ATXN7L1: variants seen among roughly 807,000 people sequenced by gnomAD.
ATXN7L1 encodes ataxin-7-like protein 1.
A neutral mutation model predicts 70.8 loss-of-function variants in ATXN7L1; 15 were observed. That is an observed-to-expected ratio of 0.21 (90% confidence interval 0.14 to 0.33). The LOEUF (loss-of-function observed/expected upper bound fraction) is 0.33. ATXN7L1 is among the 10% of genes least tolerant of loss of function. The pLI, the probability that ATXN7L1 is intolerant of heterozygous loss-of-function variation, is 1.00. For missense variants in ATXN7L1, 975 were observed against 1,097.1 expected, an observed-to-expected ratio of 0.89 and a Z score of 1.57; for synonymous variants, 440 against 445.1, an observed-to-expected ratio of 0.99 and a Z score of 0.14.
At chr7:105,731,774 A>AGAAAAG (rs1300929887) in intron 3 of ATXN7L1, among the ~76,000 whole-genome samples, 12 of 57,526 alleles carry the variant, frequency 2.1e-4, no homozygotes, top group African/African-American at 3.4e-4. Flanking sequence ...AAAAGAAAAG[A>AGAAAAG]AAAGAAAAGA....
At chr7:105,635,399 T>C (rs1032162052) in intron 7 of ATXN7L1, among the ~76,000 whole-genome samples, 3 of 152,254 alleles carry the variant, frequency 2.0e-5, no homozygotes, top group African/African-American at 7.2e-5. Flanking sequence ...CCAGGCAGTG[T>C]CAAGGCCGGC....
intron 3 of ATXN7L1, among the ~76,000 whole-genome samples, chr7:105,744,741 T>A (rs2116369301): frequency 6.7e-6 from 1 of 148,440 alleles, no homozygotes; most frequent in East Asian, 2.0e-4. Context: ...TTTACTTTTT[T>A]TTTTTTTTTT....
intron 2 of ATXN7L1, among the ~76,000 whole-genome samples, chr7:105,790,639 TATCTATCTATCTATC>T (rs1805032048): frequency 1.3e-5 from 2 of 149,690 alleles, no homozygotes; most frequent in African/African-American, 2.5e-5. Flanking sequence ...TCTATCTATC[TATCTATCTATCTATC>T]ATCTATCTAC....
chr7:105,800,273 C>G (rs1276734809), intron 2 of ATXN7L1, among the ~76,000 whole-genome samples: 1 of 152,172 alleles, frequency 6.6e-6, no homozygotes, highest in Non-Finnish European at 1.5e-5. Context: ...TCCCTGGGTT[C>G]CCAGCTTCAG....
chr7:105,632,587 G>A (rs144360547), intron 7 of ATXN7L1, among the ~76,000 whole-genome samples: 2 of 152,268 alleles, frequency 1.3e-5, no homozygotes, highest in Non-Finnish European at 2.9e-5. Flanking sequence ...CAGATTGAAT[G>A]AGCTACTGAG....
At chr7:105,661,003 C>T (rs1475542845) in intron 4 of ATXN7L1, among the ~76,000 whole-genome samples, 1 of 152,168 alleles carries the variant, frequency 6.6e-6, no homozygotes, top group Admixed American at 6.5e-5. Flanking sequence ...TTTCTATTTA[C>T]AGACTCCCTA....
chr7:105,669,762 A>G (rs984003461), intron 3 of ATXN7L1, among the ~76,000 whole-genome samples: 3 of 151,944 alleles, frequency 2.0e-5, no homozygotes, highest in African/African-American at 4.8e-5. Context: ...TCTACTAAAA[A>G]TACAAAATTA....
At position 105,608,522 on chromosome 7, in the gene ATXN7L1, A is replaced by G. The variant is rs1562881076; in HGVS notation, c.2548-632T>C. ...ATTGCTGGCATTTTGGGTTCCCAGC[A>G]GGTGTACCCGGAGCTATGGGCACAT... On this transcript the variant is annotated intron_variant, in intron 11 of 11. Transcript: ENST00000419735. 2.0e-5 allele frequency among the ~76,000 whole-genome samples: 3 copies of G among 152,276 alleles called. No homozygotes were observed. The South Asian group carries it at 6.2e-4, about 32-fold the overall frequency.
At chr7:105,838,721 C>T (rs537438840) in intron 2 of ATXN7L1, among the ~76,000 whole-genome samples, 7 of 152,298 alleles carry the variant, frequency 4.6e-5, no homozygotes, top group South Asian at 2.1e-4. Context: ...AATTACTCTG[C>T]GCGTCTGGCA....
At chr7:105,768,637 C>G (rs1046814980) in intron 3 of ATXN7L1, among the ~76,000 whole-genome samples, 2 of 152,220 alleles carry the variant, frequency 1.3e-5, no homozygotes, top group African/African-American at 4.8e-5. Flanking sequence ...TGTAACTAAT[C>G]AGAATGCTGA....
chr7:105,872,853 A>C (rs951508712), intron 2 of ATXN7L1, among the ~76,000 whole-genome samples: 17 of 151,976 alleles, frequency 1.1e-4, no homozygotes, highest in African/African-American at 3.9e-4. Flanking sequence ...AAAAAAAAAA[A>C]CATCAAAATC....
rs1706917 is a variant in ATXN7L1, at chr7:105,633,508, A to T, written c.1202+4845T>A. ...TGAGGTGGGTGGATCACCTGAGGTC[A>T]GGAGTTTGAGACCAGCCTGGCCAAC... On this transcript the variant is annotated intron_variant, in intron 7 of 11. Transcript: ENST00000419735. 6.5e-3 allele frequency among the ~76,000 whole-genome samples: 991 copies of T among 152,024 alleles called. 14 individuals carry two copies. The highest frequency in any genetic ancestry group is 0.021 in the African/African-American group (876 of 41,438).
chr7:105,638,493 G>A lies in ATXN7L1; in HGVS notation c.1062C>T (p.Leu354=). ...GAAGTATTTCCCTCGTGGAAGTCAG[G>A]AGATGCTCTTTATCTTTAACTTCTT... ...REKEVKDKEH[L]LTSTREILPS... is the part of the protein sequence containing the mutation. Residue 354 remains leucine (L), a synonymous_variant, in exon 7 of 12, where the codon CTC becomes CTT. Coordinates refer to ENST00000419735, the MANE Select transcript of ATXN7L1 (RefSeq NM_020725.2). 1 of 1,552,312 alleles carries A rather than the reference G, an allele frequency of 6.4e-7. No homozygotes were observed. Among genetic ancestry groups the A allele is most frequent in the African/African-American group, 1.4e-5 (1 of 73,152 alleles).
chr7:105,671,684 C>T (rs1244885236), intron 3 of ATXN7L1, among the ~76,000 whole-genome samples: 1 of 151,822 alleles, frequency 6.6e-6, no homozygotes, highest in Non-Finnish European at 1.5e-5. Context: ...ATTGCTGGAG[C>T]TCAGGAGTTC....
chr7:105,698,947 A>G (rs544673680), intron 3 of ATXN7L1, among the ~76,000 whole-genome samples: 1 of 152,310 alleles, frequency 6.6e-6, no homozygotes, highest in South Asian at 2.1e-4. Flanking sequence ...TACTAGGCAT[A>G]TCTGGAAAGT....
chr7:105,718,357 T>C (rs1309624824), intron 3 of ATXN7L1, among the ~76,000 whole-genome samples: 1 of 152,220 alleles, frequency 6.6e-6, no homozygotes, highest in African/African-American at 2.4e-5. Flanking sequence ...TCCGAGTTCC[T>C]GGGTGCCAAC....
intron 2 of ATXN7L1, among the ~76,000 whole-genome samples, chr7:105,871,710 CAAA>C (rs11350779): frequency 1.6e-5 from 2 of 127,456 alleles, no homozygotes; most frequent in Non-Finnish European, 3.5e-5. Flanking sequence ...GATTCTGTCT[CAAA>C]AAAAAAAAAA....
rs778545179 is a variant in ATXN7L1 at position 105,788,644 on chromosome 7, A to G, written c.315T>C (p.Cys105=). 1 of 1,614,060 alleles carries G rather than the reference A, an allele frequency of 6.2e-7. No homozygotes were observed. The highest frequency in any genetic ancestry group is 1.1e-5 in the South Asian group (1 of 91,080). ...DDFYLVVCSA[C]NQVVKPQVFQ... Reference sequence around the variant, plus strand: ...AAACCTGTGGCTTGACGACCTGGTTACAGGCACTGCACACTACGAGATAGA... The same window carrying G: ...AAACCTGTGGCTTGACGACCTGGTTGCAGGCACTGCACACTACGAGATAGA... Residue 105 remains cysteine (C), a synonymous_variant, in exon 3 of 12, where the codon TGT becomes TGC. Transcript: ENST00000419735.
At chr7:105,689,688 CA>C (rs1207795921) in intron 3 of ATXN7L1, among the ~76,000 whole-genome samples, 1 of 152,220 alleles carries the variant, frequency 6.6e-6, no homozygotes, top group Non-Finnish European at 1.5e-5. Flanking sequence ...GCCCCACACA[CA>C]GGGGCAGATT....
Sources: allele counts gnomAD v4.1 joint callset (sites outside exome capture counted in the v4.1 genomes callset), GRCh38; gene constraint gnomAD v4.1.1; transcripts MANE v1.5; gene names NCBI Gene and HGNC (gene_info 2026-07-23, HGNC 2026-07-21).